The following CXXC4 variants were observed in gnomAD, a reference collection of about 807,000 sequenced individuals.
The protein encoded by CXXC4 is CXXC finger protein 4.
Under a neutral mutation model 20.5 loss-of-function variants are expected in CXXC4, and 5 were observed. The ratio of observed to expected loss-of-function variants is 0.24; its 90% CI spans 0.13 to 0.51. CXXC4 has a LOEUF of 0.51. Ranked by LOEUF, CXXC4 falls within the 20% of genes least tolerant of loss-of-function variation. The pLI, the probability that CXXC4 is intolerant of heterozygous loss-of-function variation, is 0.97. For missense variants in CXXC4, 419 were observed against 496.4 expected (o/e 0.84, Z 1.48); for synonymous variants, 250 against 216.4 (o/e 1.16, Z -1.36).
intron 2 of CXXC4, among the ~76,000 whole-genome samples, chr4:104,479,873 A>G (rs554841705): frequency 1.9e-4 from 28 of 151,058 alleles, no homozygotes; most frequent in African/African-American, 6.6e-4. Context: ...ATCATACGGA[A>G]TGCTCAAATT....
At chr4:104,488,884 T>C (rs1399507577) in intron 2 of CXXC4, among the ~76,000 whole-genome samples, 2 of 152,194 alleles carry the variant, frequency 1.3e-5, no homozygotes, top group Admixed American at 1.3e-4. Flanking sequence ...GGGATGCAAG[T>C]AGTGCCACGA....
At chr4:104,479,008 T>G (rs1025895443) in intron 2 of CXXC4, among the ~76,000 whole-genome samples, 1 of 152,102 alleles carries the variant, frequency 6.6e-6, no homozygotes, top group South Asian at 2.1e-4. Flanking sequence ...TGAATATATA[T>G]GTGTGTATAA....
intron 2 of CXXC4, among the ~76,000 whole-genome samples, chr4:104,480,733 A>T (rs190071923): frequency 1.3e-5 from 2 of 152,166 alleles, no homozygotes; most frequent in Non-Finnish European, 2.9e-5. Context: ...CCAGATCAAG[A>T]TGACCTTAAG....
At chr4:104,483,876 T>G (rs1182311128) in intron 2 of CXXC4, among the ~76,000 whole-genome samples, 1 of 151,990 alleles carries the variant, frequency 6.6e-6, no homozygotes, top group Non-Finnish European at 1.5e-5. Flanking sequence ...ATAATTGAAA[T>G]TGGCTCACCA....
intron 2 of CXXC4, among the ~76,000 whole-genome samples, chr4:104,478,428 T>C (rs1273263119): frequency 6.6e-6 from 1 of 151,924 alleles, no homozygotes; most frequent in Non-Finnish European, 1.5e-5. Flanking sequence ...AGTGGGTTGG[T>C]GGGAGGTAAA....
intron 2 of CXXC4, among the ~76,000 whole-genome samples, chr4:104,480,562 T>A (rs1002231086): frequency 6.6e-6 from 1 of 152,002 alleles, no homozygotes; most frequent in Non-Finnish European, 1.5e-5. Context: ...AATATGTTTT[T>A]AAAAAACCAT....
At chr4:104,483,701 A>G (rs1412141610) in intron 2 of CXXC4, among the ~76,000 whole-genome samples, 2 of 151,884 alleles carry the variant, frequency 1.3e-5, no homozygotes, top group Admixed American at 1.3e-4. Flanking sequence ...TATTCTCTTG[A>G]CCTCACAAAT....
rs940626580 is a variant in CXXC4 at position 104,468,822 on chromosome 4, A to G, written c.*3500T>C. On this transcript the variant is annotated 3_prime_UTR_variant, in exon 3 of 3. Transcript: ENST00000394767. Reference sequence around the variant, plus strand: ...TTGCTGAACATATTTGACCCTGAATAGTGTGTTCATTTAACTGCTTTCCTT... The same window carrying G: ...TTGCTGAACATATTTGACCCTGAATGGTGTGTTCATTTAACTGCTTTCCTT... The G allele has an allele frequency of 6.6e-6, 1 of 151,932 alleles. No homozygotes were observed. The highest frequency in any genetic ancestry group is 2.4e-5 in the African/African-American group (1 of 41,396). The allele number at this position is 151,932 out of a possible 1,614,324, so 9.4% of individuals were successfully genotyped here.
intron 2 of CXXC4, among the ~76,000 whole-genome samples, chr4:104,490,402 G>C (rs1042347028): frequency 2.5e-4 from 38 of 152,210 alleles, no homozygotes; most frequent in African/African-American, 8.9e-4. Flanking sequence ...TGGGCAAGAT[G>C]CCCCACCCTT....
intron 2 of CXXC4, among the ~76,000 whole-genome samples, chr4:104,490,267 G>A (rs1163206587): frequency 6.6e-6 from 1 of 152,200 alleles, no homozygotes; most frequent in Non-Finnish European, 1.5e-5. Flanking sequence ...GAATACTGCT[G>A]TGTGGTTTGT....
chr4:104,481,332 C>G (rs979731757), intron 2 of CXXC4, among the ~76,000 whole-genome samples: 5 of 152,058 alleles, frequency 3.3e-5, no homozygotes, highest in Non-Finnish European at 5.9e-5. Flanking sequence ...GAGTTCTAGA[C>G]CAGCCTGGCC....
At chr4:104,475,519 TG>T in intron 2 of CXXC4, among the ~76,000 whole-genome samples, 1 of 152,272 alleles carries the variant, frequency 6.6e-6, no homozygotes, top group East Asian at 1.9e-4. Flanking sequence ...GAAGCAACAA[TG>T]TTTTAATAGA....
At chr4:104,494,430 T>G (rs1236677344) in intron 1 of CXXC4, 1 of 152,130 alleles carries the variant, frequency 6.6e-6, no homozygotes, top group Non-Finnish European at 1.5e-5. Context: ...ATTAATAATC[T>G]ACTTTCACAA....
intron 2 of CXXC4, among the ~76,000 whole-genome samples, chr4:104,481,816 C>T (rs1325344681): frequency 6.6e-6 from 1 of 152,054 alleles, no homozygotes; most frequent in African/African-American, 2.4e-5. Context: ...CTAATTAATA[C>T]CATATATTCA....
At chr4:104,479,799 G>A (rs1397892707) in intron 2 of CXXC4, among the ~76,000 whole-genome samples, 20 of 100,874 alleles carry the variant, frequency 2.0e-4, no homozygotes, top group Non-Finnish European at 2.2e-4. Context: ...CTGTTCCTCC[G>A]TCCTTCCGTC....
chr4:104,489,195 A>G (rs1736771996), intron 2 of CXXC4, among the ~76,000 whole-genome samples: 1 of 152,206 alleles, frequency 6.6e-6, no homozygotes, highest in Admixed American at 6.5e-5. Flanking sequence ...GTAAAGTTAA[A>G]CTTTCCAAAA....
intron 1 of CXXC4, among the ~76,000 whole-genome samples, chr4:104,492,800 G>C (rs1468359864): frequency 6.6e-6 from 1 of 151,924 alleles, no homozygotes; most frequent in African/African-American, 2.4e-5. Flanking sequence ...GGTCTTGGTG[G>C]GGGTAAGAGG....
Position 104,491,856 on chromosome 4 carries a change from A to C in CXXC4, c.-54T>G, listed in dbSNP as rs1736891377. 1 of 674,834 alleles carries C rather than the reference A, an allele frequency of 1.5e-6. No homozygotes were observed. Among genetic ancestry groups the C allele is most frequent in the Non-Finnish European group, 1.8e-6 (1 of 562,210 alleles). 41.8% of individuals were successfully genotyped at this position (674,834 alleles called of 1,614,324 possible). A position where few individuals can be genotyped will look rare whatever the true frequency, so the allele number is the denominator to read the frequency against. On this transcript the variant is annotated 5_prime_UTR_variant, in exon 2 of 3. Transcript: ENST00000394767. Reference sequence around the variant, plus strand: ...GTGGAAGTGGGGACCGCCTGGTCCGACACCTGGGTGGAAAAGGGGGAAAGG... The same window carrying C: ...GTGGAAGTGGGGACCGCCTGGTCCGCCACCTGGGTGGAAAAGGGGGAAAGG...
At chr4:104,488,944 ATAC>A (rs1560543313) in intron 2 of CXXC4, among the ~76,000 whole-genome samples, 1 of 152,248 alleles carries the variant, frequency 6.6e-6, no homozygotes, top group Non-Finnish European at 1.5e-5. Flanking sequence ...ATAATTCTAG[ATAC>A]TACATTTCAA....
Sources: allele counts gnomAD v4.1 joint callset (sites outside exome capture counted in the v4.1 genomes callset), GRCh38; gene constraint gnomAD v4.1.1; transcripts MANE v1.5; gene names NCBI Gene and HGNC (gene_info 2026-07-23, HGNC 2026-07-21).